The following CAMK1D variants were observed in gnomAD, a reference collection of about 807,000 sequenced individuals.
CAMK1D encodes the protein calcium/calmodulin-dependent protein kinase type 1D.
CAMK1D carries 9 observed loss-of-function variants against 47.7 expected under a neutral mutation model. That is an observed-to-expected ratio of 0.19 (90% CI 0.11 to 0.33). The LOEUF (loss-of-function observed/expected upper bound fraction) is 0.33, where lower values mean the gene tolerates loss of function less well. Ranked by LOEUF, CAMK1D falls within the 10% of genes least tolerant of loss-of-function variation. The probability of loss-of-function intolerance (pLI) is 1.00; values close to 1 mark genes in which losing one functional copy is unlikely to be tolerated. For synonymous variants in CAMK1D, 184 were observed against 184.9 expected (o/e 0.99, Z 0.04); for missense variants, 291 against 488.7 (o/e 0.60, Z 3.81).
At chr10:12,789,684 C>T (rs769561252) in intron 5 of CAMK1D, among the ~76,000 whole-genome samples, 2 of 152,238 alleles carry the variant, frequency 1.3e-5, no homozygotes, top group African/African-American at 2.4e-5. Flanking sequence ...TCTCATACCT[C>T]TGTGTCCTCC....
chr10:12,669,620 C>T (rs74930975), intron 3 of CAMK1D, among the ~76,000 whole-genome samples: 8,953 of 152,144 alleles, frequency 0.059, 265 homozygotes, highest in African/African-American at 0.067. Flanking sequence ...CCCTTAAAGC[C>T]ACCACCACTG....
intron 2 of CAMK1D, among the ~76,000 whole-genome samples, chr10:12,580,257 C>G (rs55877188): frequency 0.054 from 8,126 of 151,740 alleles, 289 homozygotes; most frequent in East Asian, 0.15. Context: ...TAACTAGTTT[C>G]ACTAACAGAT....
At chr10:12,771,977 T>A (rs2130937519) in intron 5 of CAMK1D, among the ~76,000 whole-genome samples, 1 of 151,280 alleles carries the variant, frequency 6.6e-6, no homozygotes, top group East Asian at 2.0e-4. Flanking sequence ...GAAGTTGCAG[T>A]GGGCTGAGAT....
chr10:12,562,245 C>T (rs1360714365), intron 2 of CAMK1D, among the ~76,000 whole-genome samples: 1 of 152,070 alleles, frequency 6.6e-6, no homozygotes, highest in Non-Finnish European at 1.5e-5. Flanking sequence ...GAGACCACCC[C>T]CCCTTAAAAC....
chr10:12,399,340 C>T (rs944627546), intron 1 of CAMK1D, among the ~76,000 whole-genome samples: 9 of 152,118 alleles, frequency 5.9e-5, no homozygotes, highest in Non-Finnish European at 1.0e-4. Flanking sequence ...CCTGTCTCTA[C>T]TAAAAATACA....
intron 1 of CAMK1D, among the ~76,000 whole-genome samples, chr10:12,394,989 C>T (rs972644664): frequency 2.0e-5 from 3 of 151,924 alleles, no homozygotes; most frequent in Non-Finnish European, 4.4e-5. Flanking sequence ...CATGGTGTGC[C>T]TCCAACTTGG....
chr10:12,764,112 G>A (rs1836631287), intron 4 of CAMK1D, among the ~76,000 whole-genome samples: 1 of 152,200 alleles, frequency 6.6e-6, no homozygotes, highest in South Asian at 2.1e-4. Context: ...TGGGCGCGGA[G>A]GCTCACGCCT....
At chr10:12,623,107 CCCTCCCTTCCTTCTTTCCTT>C (rs1839055498) in intron 2 of CAMK1D, among the ~76,000 whole-genome samples, 1 of 93,288 alleles carries the variant, frequency 1.1e-5, no homozygotes, top group African/African-American at 4.4e-5. Context: ...CTCCATCGCT[CCCTCCCTTCCTTCTTTCCTT>C]CCTCCCTCCC....
intron 1 of CAMK1D, among the ~76,000 whole-genome samples, chr10:12,422,737 A>G (rs941747537): frequency 2.0e-5 from 3 of 151,902 alleles, no homozygotes; most frequent in Admixed American, 2.0e-4. Flanking sequence ...CAGTGGCATA[A>G]TCTCGGCTCA....
At chr10:12,447,810 A>G (rs1832964301) in intron 1 of CAMK1D, among the ~76,000 whole-genome samples, 1 of 151,938 alleles carries the variant, frequency 6.6e-6, no homozygotes, top group African/African-American at 2.4e-5. Context: ...GACTACAGGT[A>G]TGTATCACCA....
At position 12,471,471 on chromosome 10, in the gene CAMK1D, C is replaced by T. The variant is rs114962550; in HGVS notation, c.93-81754C>T. On this transcript the variant is annotated intron_variant, in intron 1 of 10. Transcript: ENST00000619168. ...GTACACATCAGGTGACCATGTGAAC[C>T]GTGTCCGAGGTCCTTTGACTAGAGC... Among the ~76,000 whole-genome samples the T allele has an allele frequency of 5.9e-3, 898 of 152,238 alleles. 8 individuals carry two copies. The highest frequency in any genetic ancestry group is 0.021 in the African/African-American group (872 of 41,548).
At chr10:12,478,609 G>C (rs1833972084) in intron 1 of CAMK1D, among the ~76,000 whole-genome samples, 1 of 152,040 alleles carries the variant, frequency 6.6e-6, no homozygotes, top group African/African-American at 2.4e-5. Flanking sequence ...AGTAATACGG[G>C]GTGCACTTTT....
chr10:12,503,853 A>G (rs1834783212), intron 1 of CAMK1D, among the ~76,000 whole-genome samples: 1 of 152,134 alleles, frequency 6.6e-6, no homozygotes, highest in South Asian at 2.1e-4. Context: ...TTAAAGTTAC[A>G]GTGTTAAAAA....
intron 2 of CAMK1D, among the ~76,000 whole-genome samples, chr10:12,610,942 C>A (rs1234337627): frequency 6.6e-6 from 1 of 152,156 alleles, no homozygotes; most frequent in Non-Finnish European, 1.5e-5. Context: ...CTTAAGGGAA[C>A]AGGTAATAGC....
chr10:12,700,320 A>G (rs529754705), intron 3 of CAMK1D, among the ~76,000 whole-genome samples: 1 of 152,302 alleles, frequency 6.6e-6, no homozygotes, highest in South Asian at 2.1e-4. Context: ...GGAAGCAAAC[A>G]TGTTCTTCTT....
intron 1 of CAMK1D, among the ~76,000 whole-genome samples, chr10:12,428,542 C>T (rs556603959): frequency 5.3e-5 from 8 of 152,230 alleles, no homozygotes; most frequent in South Asian, 2.1e-4. Context: ...ATAGCTTTCC[C>T]GTGGGGTTCT....
chr10:12,422,872 C>T (rs2131971038), intron 1 of CAMK1D, among the ~76,000 whole-genome samples: 1 of 152,136 alleles, frequency 6.6e-6, no homozygotes, highest in African/African-American at 2.4e-5. Context: ...GGGGTTCCTC[C>T]ATGTTGATCA....
intron 2 of CAMK1D, among the ~76,000 whole-genome samples, chr10:12,638,271 TGGGCG>T (rs1338154462): frequency 8.5e-5 from 13 of 152,250 alleles, no homozygotes; most frequent in Non-Finnish European, 1.2e-4. Flanking sequence ...CTTTAGCAGC[TGGGCG>T]TGGTCTGGAT....
chr10:12,447,505 C>G (rs1215478293), intron 1 of CAMK1D, among the ~76,000 whole-genome samples: 1 of 152,126 alleles, frequency 6.6e-6, no homozygotes, highest in African/African-American at 2.4e-5. Flanking sequence ...AGTTTGAGAA[C>G]AGCCTGGGCT....
Sources: allele counts gnomAD v4.1 joint callset (sites outside exome capture counted in the v4.1 genomes callset), GRCh38; gene constraint gnomAD v4.1.1; transcripts MANE v1.5; gene names NCBI Gene and HGNC (gene_info 2026-07-23, HGNC 2026-07-21).